Variants in TNIP3 observed in about 807,000 individuals in gnomAD.
The protein encoded by TNIP3 is TNFAIP3-interacting protein 3.
Under a neutral mutation model 54.1 loss-of-function variants are expected in TNIP3, and 34 were observed. The observed-to-expected ratio is 0.63, with a 90% CI of 0.48 to 0.84. The LOEUF (loss-of-function observed/expected upper bound fraction) is 0.84, where lower values mean the gene tolerates loss of function less well. TNIP3 is among the 40% of genes least tolerant of loss of function. The probability of loss-of-function intolerance (pLI) is 0.00; values close to 1 mark genes in which losing one functional copy is unlikely to be tolerated. For synonymous variants in TNIP3, 134 were observed against 136.8 expected, an observed-to-expected ratio of 0.98 and a Z score of 0.14; for missense variants, 366 against 387.6, an observed-to-expected ratio of 0.94 and a Z score of 0.47.
intron 3 of TNIP3, among the ~76,000 whole-genome samples, chr4:121,172,424 T>C (rs1724020629): frequency 6.6e-6 from 1 of 152,256 alleles, no homozygotes; most frequent in Admixed American, 6.5e-5. Context: ...TGATTGCCAG[T>C]GAGGATACAG....
upstream of TNIP3, among the ~76,000 whole-genome samples, chr4:121,166,249 A>G (rs1003652697): frequency 2.0e-5 from 3 of 152,346 alleles, no homozygotes; most frequent in African/African-American, 7.2e-5. Flanking sequence ...AACAACAAAC[A>G]GATTTTCTAT....
At chr4:121,177,518 A>G (rs111997395) in intron 3 of TNIP3, among the ~76,000 whole-genome samples, 4 of 152,210 alleles carry the variant, frequency 2.6e-5, no homozygotes, top group African/African-American at 9.7e-5. Context: ...CTTGACATAT[A>G]TCTCAGGCTC....
chr4:121,162,585 CT>C (rs986869725), intron 1 of TNIP3, among the ~76,000 whole-genome samples: 2 of 152,156 alleles, frequency 1.3e-5, no homozygotes, highest in Non-Finnish European at 2.9e-5. Context: ...CATCTTTGAT[CT>C]GGAAAATGCT....
Position 121,190,992 on chromosome 4 carries a change from C to T in TNIP3, c.69-8196G>A, listed in dbSNP as rs1725279721. ...CCATTTATTCCAAAGTTGAAAATTA[C>T]ACAAAATTTACCCTCTGACAGGGAC... On this transcript the variant is annotated intron_variant, in intron 2 of 12. Transcript: ENST00000507879. Among the ~76,000 whole-genome samples, 3 of 152,118 alleles carry T rather than the reference C, an allele frequency of 2.0e-5. No homozygotes were observed. The South Asian group carries it at 6.2e-4, about 31-fold the overall frequency.
chr4:121,145,121 T>C (rs1264295149), intron 7 of TNIP3, among the ~76,000 whole-genome samples: 1 of 152,212 alleles, frequency 6.6e-6, no homozygotes, highest in East Asian at 1.9e-4. Flanking sequence ...TTGACCTAAA[T>C]ATTCCTCTAA....
At chr4:121,194,332 C>CA (rs1273562174) in intron 2 of TNIP3, among the ~76,000 whole-genome samples, 4 of 151,796 alleles carry the variant, frequency 2.6e-5, no homozygotes, top group Admixed American at 2.0e-4. Flanking sequence ...TTTATAAGTG[C>CA]AAAAAAGCAA....
At chr4:121,170,064 G>T (rs940046877) in intron 3 of TNIP3, among the ~76,000 whole-genome samples, 1 of 152,166 alleles carries the variant, frequency 6.6e-6, no homozygotes, top group Non-Finnish European at 1.5e-5. Flanking sequence ...TTGACCATCA[G>T]TTCCTCTGTG....
At chr4:121,222,476 G>A (rs562702425) in intron 1 of TNIP3, among the ~76,000 whole-genome samples, 11 of 152,206 alleles carry the variant, frequency 7.2e-5, no homozygotes, top group East Asian at 3.9e-4. Context: ...AATACTCTGA[G>A]CCCCACTGTC....
intron 2 of TNIP3, among the ~76,000 whole-genome samples, chr4:121,186,411 A>G (rs1208824083): frequency 2.0e-5 from 3 of 152,180 alleles, no homozygotes; most frequent in African/African-American, 2.4e-5. Flanking sequence ...AATATGATTG[A>G]CATTGTCACT....
chr4:121,191,938 T>C (rs1725328934), intron 2 of TNIP3, among the ~76,000 whole-genome samples: 1 of 152,218 alleles, frequency 6.6e-6, no homozygotes. Flanking sequence ...AGGACATAAT[T>C]TTTATGAGTA....
At chr4:121,135,792 T>G (rs779103930) in intron 10 of TNIP3, among the ~76,000 whole-genome samples, 10 of 152,234 alleles carry the variant, frequency 6.6e-5, no homozygotes, top group Non-Finnish European at 1.3e-4. Context: ...AAGGACCGTT[T>G]TAATTAAATG....
At chr4:121,221,199 T>C (rs912445677), upstream of TNIP3, among the ~76,000 whole-genome samples, 13 of 152,322 alleles carry the variant, frequency 8.5e-5, no homozygotes, top group Admixed American at 6.5e-4. Flanking sequence ...ACATTTTTAG[T>C]ATAAAACCTT....
At chr4:121,164,880 T>C (rs1025013915), upstream of TNIP3, among the ~76,000 whole-genome samples, 2 of 152,130 alleles carry the variant, frequency 1.3e-5, no homozygotes, top group African/African-American at 4.8e-5. Context: ...TCATTTGAAG[T>C]GAAATCTTCT....
At chr4:121,151,703 A>T (rs1332948695) in intron 5 of TNIP3, among the ~76,000 whole-genome samples, 1 of 152,022 alleles carries the variant, frequency 6.6e-6, no homozygotes, top group African/African-American at 2.4e-5. Context: ...CTGGGAATAG[A>T]CTACTTTTGT....
intron 7 of TNIP3, among the ~76,000 whole-genome samples, chr4:121,144,677 C>T (rs1333479360): frequency 6.6e-6 from 1 of 152,230 alleles, no homozygotes; most frequent in Non-Finnish European, 1.5e-5. Flanking sequence ...GCTGGGATTA[C>T]AGGCATGAGT....
intron 2 of TNIP3, among the ~76,000 whole-genome samples, chr4:121,187,500 A>C (rs1203458683): frequency 1.3e-5 from 2 of 152,098 alleles, no homozygotes; most frequent in African/African-American, 2.4e-5. Flanking sequence ...GTGACTTTTT[A>C]CTCTACATCT....
intron 5 of TNIP3, among the ~76,000 whole-genome samples, chr4:121,150,508 C>A (rs1262006003): frequency 6.6e-6 from 1 of 152,132 alleles, no homozygotes; most frequent in Admixed American, 6.6e-5. Context: ...AAAACAAAAT[C>A]TGTATCTATA....
chr4:121,138,475 C>A (rs1728917338), intron 10 of TNIP3, 149 bp downstream of exon 10: 2 of 684,482 alleles, frequency 2.9e-6, no homozygotes, highest in Non-Finnish European at 5.0e-6. Flanking sequence ...CAATTTAACC[C>A]CAGGTGCATC....
chr4:121,158,839 T>G, intron 2 of TNIP3, 87 bp from the exon 3 acceptor site: 1 of 1,120,780 alleles, frequency 8.9e-7, no homozygotes, highest in Non-Finnish European at 1.3e-6. Context: ...CTGAGCTTAT[T>G]AAGGTTTTAG....
Sources: gnomAD v4.1 joint callset for allele counts (sites outside exome capture counted in the v4.1 genomes callset) on GRCh38, gnomAD v4.1.1 for gene constraint, MANE v1.5 for transcripts, NCBI Gene and HGNC (gene_info 2026-07-23, HGNC 2026-07-21) for gene names.